Variants in PTPRD observed in about 807,000 individuals in gnomAD.
The protein encoded by PTPRD is protein tyrosine phosphatase receptor type D.
In PTPRD, 34 loss-of-function variants were observed where a neutral mutation model predicts 214.5. That is an observed-to-expected ratio of 0.16 (90% CI 0.12 to 0.21). The LOEUF (loss-of-function observed/expected upper bound fraction) is 0.21, where lower values mean the gene tolerates loss of function less well. Ranked by LOEUF, PTPRD falls within the 10% of genes least tolerant of loss-of-function variation. The pLI, the probability that PTPRD is intolerant of heterozygous loss-of-function variation, is 1.00. For synonymous variants in PTPRD, 1,128 were observed against 845.7 expected, an observed-to-expected ratio of 1.33 and a Z score of -5.79; for missense variants, 2,545 against 2,398.7, an observed-to-expected ratio of 1.06 and a Z score of -1.27.
At chr9:10,283,562 T>C (rs570427323) in intron 3 of PTPRD, among the ~76,000 whole-genome samples, 2 of 152,334 alleles carry the variant, frequency 1.3e-5, no homozygotes, top group South Asian at 4.1e-4. Context: ...GCATTTCTTC[T>C]GCGAATTAGT....
At chr9:10,500,406 GTTAATTT>G (rs1201781391) in intron 2 of PTPRD, among the ~76,000 whole-genome samples, 3 of 151,706 alleles carry the variant, frequency 2.0e-5, no homozygotes, top group African/African-American at 7.3e-5. Flanking sequence ...TGATTCTTTT[GTTAATTT>G]TTAATTTTTG....
intron 7 of PTPRD, among the ~76,000 whole-genome samples, chr9:9,722,286 A>G (rs928357633): frequency 2.6e-5 from 4 of 151,974 alleles, no homozygotes; most frequent in South Asian, 2.1e-4. Context: ...GGATTTCCCT[A>G]TTCTGGATAA....
chr9:9,157,525 G>C lies in PTPRD; in HGVS notation c.-143+25779C>G, dbSNP rs752959543. On this transcript the variant is annotated intron_variant, in intron 10 of 45. Transcript: ENST00000381196. Reference sequence around the variant, plus strand: ...AAAATTGGACAGTCTAGAAGAAATGGATAAATTCCTAGACACATATAACCT... The same window carrying C: ...AAAATTGGACAGTCTAGAAGAAATGCATAAATTCCTAGACACATATAACCT... Among the ~76,000 whole-genome samples the C allele has an allele frequency of 1.1e-4, 16 of 152,046 alleles. No homozygotes were observed. In the East Asian group the frequency reaches 3.1e-3, roughly 29 times the overall value.
chr9:8,511,495 T>A (rs2097681702), intron 21 of PTPRD, among the ~76,000 whole-genome samples: 1 of 152,158 alleles, frequency 6.6e-6, no homozygotes, highest in South Asian at 2.1e-4. Context: ...ATTTTTATTT[T>A]ATTCAAGAGT....
chr9:10,140,103 A>G (rs994806736), intron 3 of PTPRD, among the ~76,000 whole-genome samples: 6 of 152,062 alleles, frequency 3.9e-5, no homozygotes, highest in African/African-American at 4.8e-5. Flanking sequence ...AGAAGCTCTG[A>G]CAATCTGTGC....
At chr9:9,897,279 C>G (rs1025717088) in intron 5 of PTPRD, among the ~76,000 whole-genome samples, 5 of 151,966 alleles carry the variant, frequency 3.3e-5, no homozygotes, top group Non-Finnish European at 7.4e-5. Flanking sequence ...ACAGTTGACT[C>G]TGACTTACTA....
intron 9 of PTPRD, among the ~76,000 whole-genome samples, chr9:9,320,820 G>C (rs2135978364): frequency 6.6e-6 from 1 of 152,238 alleles, no homozygotes; most frequent in African/African-American, 2.4e-5. Flanking sequence ...AGTAATGGGA[G>C]GGCTCAAATT....
chr9:9,951,109 A>G (rs1306504440), intron 4 of PTPRD, among the ~76,000 whole-genome samples: 4 of 152,160 alleles, frequency 2.6e-5, no homozygotes, highest in Non-Finnish European at 2.9e-5. Flanking sequence ...GTTAATTAGA[A>G]TAAGATGTAG....
At chr9:8,791,895 G>T (rs753710212) in intron 11 of PTPRD, among the ~76,000 whole-genome samples, 1 of 152,118 alleles carries the variant, frequency 6.6e-6, no homozygotes, top group African/African-American at 2.4e-5. Context: ...TTTAAGGCCA[G>T]GGAATGACTG....
chr9:10,033,578 T>A (rs2154134092), intron 4 of PTPRD, 140 bp downstream of exon 4: 1 of 152,212 alleles, frequency 6.6e-6, no homozygotes, highest in Non-Finnish European at 1.5e-5. Context: ...TTATAATTAT[T>A]TTTAAAAAAG....
At chr9:9,019,321 A>AAAGGAAGAAAGAAAGG (rs1554629441) in intron 10 of PTPRD, among the ~76,000 whole-genome samples, 5 of 87,606 alleles carry the variant, frequency 5.7e-5, no homozygotes, top group Non-Finnish European at 9.6e-5. Flanking sequence ...AGAAAGAAAG[A>AAAGGAAGAAAGAAAGG]AAGAAAGAAA....
chr9:9,056,231 G>A (rs1056027223), intron 10 of PTPRD, among the ~76,000 whole-genome samples: 8 of 152,144 alleles, frequency 5.3e-5, no homozygotes, highest in East Asian at 1.9e-4. Context: ...GGAATAATGC[G>A]TATGTGAGAA....
chr9:8,816,805 G>A (rs2096928876), intron 11 of PTPRD, among the ~76,000 whole-genome samples: 1 of 152,106 alleles, frequency 6.6e-6, no homozygotes, highest in South Asian at 2.1e-4. Context: ...AGGAATAGAA[G>A]AAGAAAGGGA....
intron 2 of PTPRD, among the ~76,000 whole-genome samples, chr9:10,431,155 C>T (rs555370323): frequency 1.3e-5 from 2 of 151,886 alleles, no homozygotes; most frequent in African/African-American, 4.8e-5. Context: ...TATTGATTCT[C>T]TCCTTTTATT....
rs541782077 is a variant in PTPRD at position 9,511,028 on chromosome 9, C to T, written c.-237+63704G>A. On this transcript the variant is annotated intron_variant, in intron 8 of 45. Coordinates refer to ENST00000381196, the MANE Select transcript of PTPRD (RefSeq NM_002839.4). ...AAATTAATGAAGTCGAGCAAAATAT[C>T]CACTCCAAACAAAGCTCTTGTACAA... 9.2e-5 allele frequency among the ~76,000 whole-genome samples: 14 copies of T among 151,762 alleles called. No individual in the cohort carries two copies. The South Asian group carries it at 2.9e-3, about 31-fold the overall frequency.
At chr9:9,241,770 C>T (rs1489431869) in intron 9 of PTPRD, among the ~76,000 whole-genome samples, 1 of 151,648 alleles carries the variant, frequency 6.6e-6, no homozygotes, top group Non-Finnish European at 1.5e-5. Context: ...CTGAATACAG[C>T]ACACTGATGG....
chr9:9,823,754 G>A (rs1456207876), intron 5 of PTPRD, among the ~76,000 whole-genome samples: 1 of 151,860 alleles, frequency 6.6e-6, no homozygotes, highest in African/African-American at 2.4e-5. Flanking sequence ...AAGAGGGATG[G>A]GTCCAAAAAT....
chr9:9,203,159 G>A (rs1257306403), intron 9 of PTPRD, among the ~76,000 whole-genome samples: 3 of 152,024 alleles, frequency 2.0e-5, no homozygotes, highest in Admixed American at 6.6e-5. Context: ...GAACCTGGGA[G>A]GCGGAGGTTG....
At chr9:8,592,889 C>T (rs980957928) in intron 14 of PTPRD, among the ~76,000 whole-genome samples, 2 of 152,124 alleles carry the variant, frequency 1.3e-5, no homozygotes, top group South Asian at 4.1e-4. Context: ...TAAGTTGAAT[C>T]GTGAAGGATA....
Sources: allele counts gnomAD v4.1 joint callset (sites outside exome capture counted in the v4.1 genomes callset), GRCh38; gene constraint gnomAD v4.1.1; transcripts MANE v1.5; gene names NCBI Gene and HGNC (gene_info 2026-07-23, HGNC 2026-07-21).